The following ARHGAP5 variants were observed in gnomAD, a reference collection of about 807,000 sequenced individuals.
The protein encoded by ARHGAP5 is rho GTPase-activating protein 5.
In ARHGAP5, 23 loss-of-function variants were observed where a neutral mutation model predicts 116.6. The ratio of observed to expected loss-of-function variants is 0.20; its 90% confidence interval spans 0.14 to 0.28. The LOEUF is 0.28. Among genes scored for constraint, ARHGAP5 ranks in the 10% least tolerant of loss-of-function variants. ARHGAP5 has a pLI of 1.00. For synonymous variants in ARHGAP5, 574 were observed against 602.0 expected, an observed-to-expected ratio of 0.95 and a Z score of 0.68; for missense variants, 1,405 against 1,774.8, an observed-to-expected ratio of 0.79 and a Z score of 3.74.
chr14:32,119,042 G>T (rs1458927591), intron 3 of ARHGAP5, among the ~76,000 whole-genome samples: 2 of 152,014 alleles, frequency 1.3e-5, no homozygotes, highest in Non-Finnish European at 2.9e-5. Flanking sequence ...AAGTGCTTTG[G>T]TAGAAAGATA....
At chr14:32,131,346 T>C (rs1233123941) in intron 3 of ARHGAP5, among the ~76,000 whole-genome samples, 1 of 152,036 alleles carries the variant, frequency 6.6e-6, no homozygotes, top group Non-Finnish European at 1.5e-5. Flanking sequence ...AAAATCAATT[T>C]ATAATTGTAT....
chr14:32,118,347 A>G (rs1879710350), intron 3 of ARHGAP5, among the ~76,000 whole-genome samples: 1 of 151,932 alleles, frequency 6.6e-6, no homozygotes, highest in African/African-American at 2.4e-5. Context: ...AAATACAAAA[A>G]TTATCTGGGC....
rs1881823057 is a variant in ARHGAP5 at position 32,154,899 on chromosome 14, C to A, written c.4460C>A (p.Pro1487His). Reference sequence around the variant, plus strand: ...CTTCAGTTGCCGCCACCATTGCAACCTCAGCTGATACAACCACAATTACAA... The same window carrying A: ...CTTCAGTTGCCGCCACCATTGCAACATCAGCTGATACAACCACAATTACAA... Reference protein sequence around the residue: ...VPLQLPPPLQPQLIQPQLQTD... With the variant: ...VPLQLPPPLQHQLIQPQLQTD... Residue 1487 changes from proline to histidine, a missense_variant, in exon 7 of 7, where the codon CCT (proline) becomes CAT (histidine). By Grantham distance (77) the Pro-to-His change is moderately conservative (BLOSUM62 -2). This residue lies in a region of ARHGAP5 where 85 missense variants were observed against 96.6 expected (regional missense o/e 0.88). Transcript: ENST00000345122. The A allele has an allele frequency of 6.2e-7, 1 of 1,613,872 alleles. No individual in the cohort carries two copies. Among genetic ancestry groups the A allele is most frequent in the Non-Finnish European group, 8.5e-7 (1 of 1,179,906 alleles).
At chr14:32,109,292 CAAAGAAAA>C (rs947861796) in intron 2 of ARHGAP5, among the ~76,000 whole-genome samples, 2 of 151,034 alleles carry the variant, frequency 1.3e-5, no homozygotes, top group African/African-American at 4.9e-5. Flanking sequence ...TCTTCATTAG[CAAAGAAAA>C]AAAGAAAAAG....
rs1878745891 is a variant in ARHGAP5 at position 32,100,562 on chromosome 14, A to G, written c.3717+6176A>G. The stretch of plus-strand genomic sequence containing the variant: ...CACAGCATTTACACTGTTTTAGGTT[A>G]TTATAAGTAATGTAGAGATGATTTA... On this transcript the variant is annotated intron_variant, in intron 2 of 6. Transcript: ENST00000345122. Among the ~76,000 whole-genome samples the G allele has an allele frequency of 1.3e-5, 2 of 152,194 alleles. 1 individual carries two copies. The highest frequency in any genetic ancestry group is 4.1e-4 in the South Asian group (2 of 4,836).
chr14:32,088,062 GAGTATATCTC>G (rs2041848113), intron 1 of ARHGAP5, among the ~76,000 whole-genome samples: 1 of 151,900 alleles, frequency 6.6e-6, no homozygotes, highest in African/African-American at 2.4e-5. Flanking sequence ...TTAACATATA[GAGTATATCTC>G]AGTATTTTGG....
intron 3 of ARHGAP5, among the ~76,000 whole-genome samples, chr14:32,136,898 A>C (rs1484982447): frequency 6.6e-6 from 1 of 151,856 alleles, no homozygotes; most frequent in Non-Finnish European, 1.5e-5. Flanking sequence ...TCTTTGGAGA[A>C]ATTTTTTTTT....
chr14:32,140,806 G>T (rs1881088913), intron 3 of ARHGAP5, among the ~76,000 whole-genome samples: 3 of 152,188 alleles, frequency 2.0e-5, no homozygotes. Context: ...GCTGTTGTTA[G>T]ATAGAGTGTT....
intron 3 of ARHGAP5, among the ~76,000 whole-genome samples, chr14:32,132,079 T>C (rs1880531252): frequency 6.6e-6 from 1 of 152,212 alleles, no homozygotes; most frequent in Non-Finnish European, 1.5e-5. Context: ...GCATGATTTA[T>C]AATCCTTTAG....
At chr14:32,112,590 C>T (rs890719456) in intron 2 of ARHGAP5, among the ~76,000 whole-genome samples, 2 of 152,054 alleles carry the variant, frequency 1.3e-5, no homozygotes, top group African/African-American at 2.4e-5. Flanking sequence ...ATTGGATTTT[C>T]GGTAGGGCGC....
intron 5 of ARHGAP5, among the ~76,000 whole-genome samples, chr14:32,150,546 G>A (rs1008423255): frequency 6.6e-6 from 1 of 152,158 alleles, no homozygotes; most frequent in Non-Finnish European, 1.5e-5. Flanking sequence ...AGGTGGAAGG[G>A]CAAGAGAGCA....
rs111840858 is a variant in ARHGAP5 at position 32,134,234 on chromosome 14, C to T, written c.3866-12029C>T. On this transcript the variant is annotated intron_variant, in intron 3 of 6. Transcript: ENST00000345122. ...AATTTTTTCATGAAAAAATTCAAAG[C>T]CTTTTTTTGCAGAATATTCCTAAAT... is the stretch of plus-strand genomic sequence containing the variant. Among the ~76,000 whole-genome samples the T allele has an allele frequency of 2.1e-3, 324 of 152,116 alleles. 1 individual carries two copies. Among genetic ancestry groups the T allele is most frequent in the African/African-American group, 7.4e-3 (309 of 41,486 alleles).
chr14:32,150,813 A>G (rs977657723), intron 5 of ARHGAP5, among the ~76,000 whole-genome samples: 1 of 152,184 alleles, frequency 6.6e-6, no homozygotes, highest in Admixed American at 6.5e-5. Flanking sequence ...GGGAAAGAAC[A>G]TGATATTTAT....
chr14:32,087,502 T>C (rs1162437383), intron 1 of ARHGAP5, among the ~76,000 whole-genome samples: 8 of 148,968 alleles, frequency 5.4e-5, no homozygotes, highest in Non-Finnish European at 8.9e-5. Context: ...TTTTTTTTTT[T>C]CAAACCAAAG....
intron 3 of ARHGAP5, among the ~76,000 whole-genome samples, chr14:32,133,079 G>A (rs759363596): frequency 8.1e-4 from 123 of 152,134 alleles, no homozygotes; most frequent in Non-Finnish European, 1.4e-3. Context: ...GCTCTTTTTT[G>A]GTTCCATATG....
intron 3 of ARHGAP5, among the ~76,000 whole-genome samples, chr14:32,137,319 G>A (rs554447949): frequency 4.0e-5 from 6 of 150,536 alleles, no homozygotes; most frequent in Admixed American, 1.3e-4. Context: ...TATTTATTGC[G>A]AAGAGTATCC....
At chr14:32,145,755 A>T (rs1447120082) in intron 3 of ARHGAP5, among the ~76,000 whole-genome samples, 1 of 152,148 alleles carries the variant, frequency 6.6e-6, no homozygotes, top group Non-Finnish European at 1.5e-5. Context: ...AAATAAGTCT[A>T]TTCATTTTGT....
chr14:32,101,665 A>C (rs996165313), intron 2 of ARHGAP5, among the ~76,000 whole-genome samples: 2 of 151,982 alleles, frequency 1.3e-5, no homozygotes, highest in Admixed American at 6.6e-5. Flanking sequence ...AAAAAAAAAA[A>C]AACTGGGTGT....
At chr14:32,142,468 C>A (rs1881171070) in intron 3 of ARHGAP5, among the ~76,000 whole-genome samples, 1 of 152,134 alleles carries the variant, frequency 6.6e-6, no homozygotes. Context: ...AGTCTGTATT[C>A]TTTGCCATTT....
Sources: allele counts gnomAD v4.1 joint callset (sites outside exome capture counted in the v4.1 genomes callset), GRCh38; gene constraint gnomAD v4.1.1; regional missense constraint gnomAD v4.1.1; transcripts MANE v1.5; gene names NCBI Gene and HGNC (gene_info 2026-07-23, HGNC 2026-07-21).